The following TNPO2 variants were observed in gnomAD, a reference collection of about 807,000 sequenced individuals.
The protein encoded by TNPO2 is transportin-2.
In TNPO2, 16 loss-of-function variants were observed where a neutral mutation model predicts 111.1. That is an observed-to-expected ratio of 0.14 (90% CI 0.10 to 0.22). TNPO2 has a LOEUF of 0.22. TNPO2 is among the 10% of genes least tolerant of loss of function. The probability of loss-of-function intolerance (pLI) is 1.00; values close to 1 mark genes in which losing one functional copy is unlikely to be tolerated. For synonymous variants in TNPO2, 481 were observed against 475.8 expected (o/e 1.01, Z -0.14); for missense variants, 530 against 1,173.7 (o/e 0.45, Z 8.01).
In TNPO2 at chr19:12,719,411, A is replaced by G; in HGVS notation, c.100-75T>C. On this transcript the variant is annotated intron_variant, in intron 3 of 25. Coordinates refer to ENST00000425528, the MANE Select transcript of TNPO2 (RefSeq NM_001382241.1). This position sits in a 1 kb window ranked among gnomAD's most constrained non-coding sequence, Gnocchi z 5.0. ...GTCCCCTCATTATGTACCTGACACTATCTCTGACCACTGGGACCAGGCTGC... is the reference window on the plus strand; with the variant it reads ...GTCCCCTCATTATGTACCTGACACTGTCTCTGACCACTGGGACCAGGCTGC... 2 of 1,298,986 alleles carry G rather than the reference A, an allele frequency of 1.5e-6. No individual in the cohort carries two copies. The highest frequency in any genetic ancestry group is 1.9e-5 in the Admixed American group (1 of 53,534). The allele number at this position is 1,298,986 out of a possible 1,614,324, so 80.5% of individuals were successfully genotyped here. A position where few individuals can be genotyped will look rare whatever the true frequency, so the allele number is the denominator to read the frequency against.
intron 10 of TNPO2, among the ~76,000 whole-genome samples, chr19:12,713,513 A>AAAT (rs869258222): frequency 6.9e-6 from 1 of 145,716 alleles, no homozygotes; most frequent in Non-Finnish European, 1.5e-5. Flanking sequence ...ATAAATAAAT[A>AAAT]AATAAACATA....
At position 12,706,587 on chromosome 19, in the gene TNPO2, T is replaced by C; in HGVS notation, c.1479A>G (p.Val493=). 1 of 1,614,140 alleles carries C rather than the reference T, an allele frequency of 6.2e-7. No homozygotes were observed. The highest frequency in any genetic ancestry group is 1.1e-5 in the South Asian group (1 of 91,086). Residue 493 remains valine, a synonymous_variant, in exon 14 of 26, where the codon GTA becomes GTG. Transcript: ENST00000425528. The surrounding 1 kb of genome is among the most constrained non-coding windows in gnomAD (Gnocchi z 7.0). ...AGGGTCACCTGCAGGCCGCCTCCTG[T>C]ACCCTCTTGTTGCCATCCAGGATGC... ...LKRILDGNKR[V]QEAACSAFAT...
chr19:12,712,447 CCT>C (rs1410293837), intron 10 of TNPO2, among the ~76,000 whole-genome samples: 2 of 152,192 alleles, frequency 1.3e-5, no homozygotes, highest in Non-Finnish European at 2.9e-5. Flanking sequence ...TAACCGTCTC[CCT>C]GAGATGCTGT....
intron 13 of TNPO2, among the ~76,000 whole-genome samples, chr19:12,709,643 T>G (rs1369075787): frequency 9.9e-6 from 1 of 100,786 alleles, no homozygotes; most frequent in African/African-American, 1.1e-4. Context: ...TTTTATCAGG[T>G]TTTTTTTTTT....
intron 13 of TNPO2, 140 bp downstream of exon 13, chr19:12,710,480 AG>A: frequency 2.0e-6 from 2 of 1,001,156 alleles, no homozygotes; most frequent in Non-Finnish European, 2.9e-6. Context: ...CCAGGAACCA[AG>A]GGGAGAATTG....
rs977303735 is a variant in TNPO2 at position 12,705,007 on chromosome 19, T to A, written c.2022+233A>T. ...TTTCTATTTTCAATACTGTTTGCTT[T>A]AAAAAAAATTTTTTTTTTTAATTTT... is the stretch of plus-strand genomic sequence containing the variant. On this transcript the variant is annotated intron_variant, in intron 18 of 25. Coordinates refer to ENST00000425528, the MANE Select transcript of TNPO2 (RefSeq NM_001382241.1). This position sits in a 1 kb window ranked among gnomAD's most constrained non-coding sequence, Gnocchi z 7.2. 6.6e-6 allele frequency among the ~76,000 whole-genome samples: 1 copy of A among 152,076 alleles called. No homozygotes were observed. The highest frequency in any genetic ancestry group is 1.9e-4 in the East Asian group (1 of 5,194).
Position 12,715,782 on chromosome 19 carries a change from G to T in TNPO2, c.326-43C>A. On this transcript the variant is annotated intron_variant, in intron 5 of 25. Coordinates refer to ENST00000425528, the MANE Select transcript of TNPO2 (RefSeq NM_001382241.1). This position sits in a 1 kb window ranked among gnomAD's most constrained non-coding sequence, Gnocchi z 7.1. ...GGACGCTGCCTGAGGCTGGGCAGGGGCTGCCTAGCACCTCCCCCTCCCACT... is the reference window on the plus strand; with the variant it reads ...GGACGCTGCCTGAGGCTGGGCAGGGTCTGCCTAGCACCTCCCCCTCCCACT... 1.3e-6 allele frequency: 2 copies of T among 1,508,732 alleles called. No individual in the cohort carries two copies. Among genetic ancestry groups the T allele is most frequent in the Non-Finnish European group, 1.8e-6 (2 of 1,108,488 alleles). 93.5% of individuals were successfully genotyped at this position (1,508,732 alleles called of 1,614,324 possible).
chr19:12,712,729 G>A (rs543678542), intron 10 of TNPO2, among the ~76,000 whole-genome samples: 1 of 152,152 alleles, frequency 6.6e-6, no homozygotes, highest in Non-Finnish European at 1.5e-5. Flanking sequence ...CTTCTGCCTT[G>A]TATGCAATAA....
chr19:12,715,039 ATG>A lies in TNPO2; in HGVS notation c.771+6_771+7del, dbSNP rs748510607. 1.3e-6 allele frequency: 2 copies of A among 1,531,498 alleles called. No homozygotes were observed. The highest frequency in any genetic ancestry group is 1.8e-6 in the Non-Finnish European group (2 of 1,136,704). 94.9% of individuals were successfully genotyped at this position (1,531,498 alleles called of 1,614,324 possible). On this transcript the variant is annotated splice_donor_region_variant and intron_variant, in intron 9 of 25. Coordinates refer to ENST00000425528, the MANE Select transcript of TNPO2 (RefSeq NM_001382241.1). This position sits in a 1 kb window ranked among gnomAD's most constrained non-coding sequence, Gnocchi z 7.1. Reference sequence around the variant, plus strand: ...CTGCCCGCCTGGGCTGGCCTTGACCATGCACACCTGGATGATGCTGTGCATGT... The same window carrying A: ...CTGCCCGCCTGGGCTGGCCTTGACCACACACCTGGATGATGCTGTGCATGT...
intron 10 of TNPO2, 54 bp from the exon 11 acceptor site, chr19:12,711,667 G>A (rs2026057139): frequency 1.3e-6 from 2 of 1,538,834 alleles, no homozygotes; most frequent in Non-Finnish European, 1.8e-6. Flanking sequence ...AAAAGTTGGG[G>A]GGAGGCACAG....
At position 12,701,973 on chromosome 19, in the gene TNPO2, G is replaced by C; in HGVS notation, c.2411+99C>G. The stretch of plus-strand genomic sequence containing the variant: ...GCATCTGTGGGGGTGGGGCAGGGCA[G>C]GGAGTCAGTAGGCAGATGGGGCTGG... On this transcript the variant is annotated intron_variant, in intron 22 of 25. Transcript: ENST00000425528. The surrounding 1 kb of genome is among the most constrained non-coding windows in gnomAD (Gnocchi z 5.0). 7.0e-7 allele frequency: 1 copy of C among 1,420,576 alleles called. No individual in the cohort carries two copies. Among genetic ancestry groups the C allele is most frequent in the South Asian group, 1.2e-5 (1 of 86,562 alleles). 88.0% of individuals were successfully genotyped at this position (1,420,576 alleles called of 1,614,324 possible).
chr19:12,715,213 G>A lies in TNPO2; in HGVS notation c.648+30C>T, dbSNP rs758368411. On this transcript the variant is annotated intron_variant, in intron 8 of 25. Coordinates refer to ENST00000425528, the MANE Select transcript of TNPO2 (RefSeq NM_001382241.1). The surrounding 1 kb of genome is among the most constrained non-coding windows in gnomAD (Gnocchi z 7.1). ...TCAGTTGTAGGGGCCCTCAGTCCTC[G>A]CCCTGCCCACCCCCAGCCCAGCGGC... is the stretch of plus-strand genomic sequence containing the variant. 15 of 1,613,722 alleles carry A rather than the reference G, an allele frequency of 9.3e-6. No homozygotes were observed. The highest frequency in any genetic ancestry group is 1.6e-4 in the Middle Eastern group (1 of 6,062).
chr19:12,718,930 T>C (rs565509600), intron 5 of TNPO2, 99 bp downstream of exon 5: 9 of 1,465,912 alleles, frequency 6.1e-6, no homozygotes, highest in Middle Eastern at 2.5e-4. Flanking sequence ...AGTACTACCA[T>C]AGAGGGTGCC....
In TNPO2 at chr19:12,715,306, G is replaced by A. The variant is rs191930582; in HGVS notation, c.585C>T (p.Cys195=). 2,627 of 1,613,706 alleles carry A rather than the reference G, an allele frequency of 1.6e-3. 29 individuals are homozygous for A. Among genetic ancestry groups the A allele is most frequent in the African/African-American group, 8.1e-4 (61 of 75,008 alleles). ...SPKIRSHAIA[C]VNQFIMDRAQ... ...CCCGGTCCATGATGAACTGGTTCAC[G>A]CAGGCGATGGCGTGGGACCTGGCGG... The change falls in exon 8 of 26, where the codon TGC becomes TGT. Residue 195 remains cysteine, a synonymous_variant. Coordinates refer to ENST00000425528, the MANE Select transcript of TNPO2 (RefSeq NM_001382241.1). The surrounding 1 kb of genome is among the most constrained non-coding windows in gnomAD (Gnocchi z 7.1).
At chr19:12,716,383 T>C (rs2026367215) in intron 5 of TNPO2, among the ~76,000 whole-genome samples, 1 of 151,596 alleles carries the variant, frequency 6.6e-6, no homozygotes, top group South Asian at 2.1e-4. Flanking sequence ...CCCAGCACTT[T>C]GGGGGACCGA....
chr19:12,711,253 A>G (rs1353196202), intron 12 of TNPO2, 43 bp downstream of exon 12: 1 of 1,599,276 alleles, frequency 6.3e-7, no homozygotes, highest in Non-Finnish European at 8.5e-7. Flanking sequence ...GAGGGAGTCC[A>G]GGGCTTGCCA....
At position 12,719,632 on chromosome 19, in the gene TNPO2, C is replaced by T. The variant is rs1322734676; in HGVS notation, c.100-296G>A. Among the ~76,000 whole-genome samples, 1 of 152,120 alleles carries T rather than the reference C, an allele frequency of 6.6e-6. No homozygotes were observed. The highest frequency in any genetic ancestry group is 1.5e-5 in the Non-Finnish European group (1 of 68,022). On this transcript the variant is annotated intron_variant, in intron 3 of 25. Transcript: ENST00000425528. The surrounding 1 kb of genome is among the most constrained non-coding windows in gnomAD (Gnocchi z 5.0). ...CCAGCGTGGTGAAACCCCATCTCTA[C>T]TAAACATACAAAAAAATTATCCGGG...
At position 12,705,894 on chromosome 19, in the gene TNPO2, C is replaced by T; in HGVS notation, c.1669-126G>A. ...GCTCATGGGACCCTGAAAGGCCTGCCATCTGGCCAGACCTCGAGGCCTTCA... is the reference window on the plus strand; with the variant it reads ...GCTCATGGGACCCTGAAAGGCCTGCTATCTGGCCAGACCTCGAGGCCTTCA... On this transcript the variant is annotated intron_variant, in intron 15 of 25. Transcript: ENST00000425528. This position sits in a 1 kb window ranked among gnomAD's most constrained non-coding sequence, Gnocchi z 7.2. 1.3e-6 allele frequency: 1 copy of T among 759,292 alleles called. No homozygotes were observed. The highest frequency in any genetic ancestry group is 1.9e-5 in the South Asian group (1 of 51,786). The allele number at this position is 759,292 out of a possible 1,614,324, so 47.0% of individuals were successfully genotyped here.
rs577894128 is a variant in TNPO2 at position 12,712,046 on chromosome 19, T to C, written c.891-433A>G. On this transcript the variant is annotated intron_variant, in intron 10 of 25. Transcript: ENST00000425528. ...ATATGAATATCATTAATCATTAGTT[T>C]GTAGCAATTACTTTTTATTCCAATA... 3.3e-5 allele frequency among the ~76,000 whole-genome samples: 5 copies of C among 151,038 alleles called. No homozygotes were observed. In the South Asian group the frequency reaches 1.1e-3, roughly 32 times the overall value.
Sources: allele counts gnomAD v4.1 joint callset (sites outside exome capture counted in the v4.1 genomes callset), GRCh38; gene constraint gnomAD v4.1.1; non-coding constraint Gnocchi (gnomAD v3.1); transcripts MANE v1.5; gene names NCBI Gene and HGNC (gene_info 2026-07-23, HGNC 2026-07-21).